Variants in ANTXR1 observed in about 807,000 individuals in gnomAD.
ANTXR1 encodes the protein anthrax toxin receptor 1.
ANTXR1 carries 19 observed loss-of-function variants against 78.1 expected under a neutral mutation model. That is an observed-to-expected ratio of 0.24 (90% CI 0.17 to 0.36). The LOEUF (loss-of-function observed/expected upper bound fraction) is 0.36. ANTXR1 is among the 10% of genes least tolerant of loss of function. The pLI is 1.00. For missense variants in ANTXR1, 518 were observed against 718.6 expected (o/e 0.72, Z 3.19); for synonymous variants, 273 against 260.5 (o/e 1.05, Z -0.46).
intron 12 of ANTXR1, among the ~76,000 whole-genome samples, chr2:69,141,725 T>C (rs1673074998): frequency 6.6e-6 from 1 of 152,242 alleles, no homozygotes; most frequent in Non-Finnish European, 1.5e-5. Context: ...GTTAACTGTG[T>C]ACATTGACTT....
chr2:69,112,018 G>A (rs775053600), intron 10 of ANTXR1, among the ~76,000 whole-genome samples: 2 of 152,138 alleles, frequency 1.3e-5, no homozygotes, highest in Non-Finnish European at 2.9e-5. Context: ...ACGCAATCTC[G>A]ATACATCCCT....
chr2:69,050,230 T>TA lies in ANTXR1; in HGVS notation c.296+5420dup, dbSNP rs201694353. The stretch of plus-strand genomic sequence containing the variant: ...ACAGGATCGATTGAGGCATGGGAGG[T>TA]AAAGGCTGCAGTGAGCCGTAATCAT... On this transcript the variant is annotated intron_variant, in intron 3 of 17. Transcript: ENST00000303714. Among the ~76,000 whole-genome samples the TA allele has an allele frequency of 9.1e-3, 1,377 of 151,982 alleles. 24 individuals are homozygous for TA. The highest frequency in any genetic ancestry group is 8.8e-3 in the Non-Finnish European group (595 of 67,978).
chr2:69,164,013 A>G (rs1673755892), intron 13 of ANTXR1, among the ~76,000 whole-genome samples: 1 of 152,228 alleles, frequency 6.6e-6, no homozygotes, highest in South Asian at 2.1e-4. Flanking sequence ...TAACTACCAC[A>G]TATGAACAGT....
chr2:69,184,143 C>T (rs1340188971), intron 16 of ANTXR1, among the ~76,000 whole-genome samples: 1 of 152,152 alleles, frequency 6.6e-6, no homozygotes, highest in Non-Finnish European at 1.5e-5. Flanking sequence ...AGTTAATTTG[C>T]TAATTTTGGA....
intron 17 of ANTXR1, among the ~76,000 whole-genome samples, chr2:69,223,857 T>A (rs1292355557): frequency 6.6e-6 from 1 of 152,228 alleles, no homozygotes; most frequent in East Asian, 1.9e-4. Context: ...GATGATTTGC[T>A]TGATCTCGAA....
chr2:69,150,188 G>A (rs1047009753), intron 12 of ANTXR1, among the ~76,000 whole-genome samples: 6 of 152,246 alleles, frequency 3.9e-5, no homozygotes, highest in Non-Finnish European at 7.3e-5. Context: ...AGCACTCAGA[G>A]TGGGAGTGAG....
intron 17 of ANTXR1, among the ~76,000 whole-genome samples, chr2:69,223,925 C>G (rs1377986982): frequency 3.3e-5 from 5 of 152,200 alleles, no homozygotes; most frequent in Admixed American, 2.0e-4. Context: ...AAAAACCACA[C>G]CTCCACCCTT....
chr2:69,179,463 G>A (rs1033317712), intron 14 of ANTXR1, among the ~76,000 whole-genome samples: 2 of 151,298 alleles, frequency 1.3e-5, no homozygotes, highest in Non-Finnish European at 2.9e-5. Flanking sequence ...TGAGAGAATT[G>A]CTTGAGCTGT....
At chr2:69,047,464 A>G (rs1669803733) in intron 3 of ANTXR1, among the ~76,000 whole-genome samples, 1 of 152,154 alleles carries the variant, frequency 6.6e-6, no homozygotes, top group South Asian at 2.1e-4. Flanking sequence ...ATTGTTATAT[A>G]TGGAATGTGT....
intron 17 of ANTXR1, among the ~76,000 whole-genome samples, chr2:69,241,312 GTGTAAAC>G (rs2104532301): frequency 1.3e-5 from 2 of 152,292 alleles, no homozygotes; most frequent in South Asian, 4.2e-4. Context: ...AAACGATGTT[GTGTAAAC>G]TGATCTTTAG....
intron 1 of ANTXR1, among the ~76,000 whole-genome samples, chr2:69,028,828 A>G (rs1334445992): frequency 1.3e-5 from 2 of 152,220 alleles, no homozygotes; most frequent in Non-Finnish European, 2.9e-5. Flanking sequence ...AATGACCACC[A>G]CATTGAATAT....
At chr2:69,022,639 A>G (rs1294957564) in intron 1 of ANTXR1, among the ~76,000 whole-genome samples, 1 of 152,252 alleles carries the variant, frequency 6.6e-6, no homozygotes, top group Admixed American at 6.5e-5. Context: ...ACAACTTCAG[A>G]GGCCTGAGGC....
chr2:69,194,041 A>G (rs1042807143), intron 17 of ANTXR1, among the ~76,000 whole-genome samples: 1 of 152,238 alleles, frequency 6.6e-6, no homozygotes, highest in Non-Finnish European at 1.5e-5. Flanking sequence ...CTTAGAAACC[A>G]TCCAGCCCAT....
intron 1 of ANTXR1, among the ~76,000 whole-genome samples, chr2:69,030,916 G>A (rs1333800364): frequency 1.3e-5 from 2 of 152,200 alleles, no homozygotes; most frequent in South Asian, 2.1e-4. Flanking sequence ...AGAAAAAAAC[G>A]AGTCTGAAAG....
In ANTXR1 at chr2:69,092,963, T is replaced by A. The variant is rs550250716; in HGVS notation, c.703+2044T>A. Among the ~76,000 whole-genome samples, 209 of 152,232 alleles carry A rather than the reference T, an allele frequency of 1.4e-3. 1 individual carries two copies. The highest frequency in any genetic ancestry group is 2.3e-3 in the Admixed American group (35 of 15,290). On this transcript the variant is annotated intron_variant, in intron 9 of 17. Coordinates refer to ENST00000303714, the MANE Select transcript of ANTXR1 (RefSeq NM_032208.3). ...GGAGTTCCTTGACTGCAATTATTGC[T>A]TTCATAAAGAAAACCCAGACTTTGA... is the stretch of plus-strand genomic sequence containing the variant.
At chr2:69,239,563 T>C (rs1306124648) in intron 17 of ANTXR1, among the ~76,000 whole-genome samples, 1 of 151,728 alleles carries the variant, frequency 6.6e-6, no homozygotes, top group African/African-American at 2.4e-5. Flanking sequence ...AAAAAAAAAA[T>C]GTTGATGGAA....
intron 17 of ANTXR1, among the ~76,000 whole-genome samples, chr2:69,227,269 T>C (rs78828021): frequency 0.023 from 3,447 of 152,276 alleles, 96 homozygotes; most frequent in East Asian, 0.11. Context: ...TCTGGCAGGA[T>C]CATGGCAGCC....
At chr2:69,020,819 A>C (rs559994619) in intron 1 of ANTXR1, among the ~76,000 whole-genome samples, 4 of 152,260 alleles carry the variant, frequency 2.6e-5, no homozygotes, top group Admixed American at 6.5e-5. Context: ...AATTTGACTC[A>C]GCAGATTCTT....
intron 10 of ANTXR1, among the ~76,000 whole-genome samples, chr2:69,113,771 A>G (rs75054355): frequency 0.047 from 7,090 of 152,318 alleles, 548 homozygotes; most frequent in African/African-American, 0.16. Context: ...CAGGAGACAC[A>G]TACCTTGTGC....
Sources: gnomAD v4.1 joint callset for allele counts (sites outside exome capture counted in the v4.1 genomes callset) on GRCh38, gnomAD v4.1.1 for gene constraint, MANE v1.5 for transcripts, NCBI Gene and HGNC (gene_info 2026-07-23, HGNC 2026-07-21) for gene names.